The following SLC37A3 variants were observed in gnomAD, a reference collection of about 807,000 sequenced individuals.
SLC37A3 encodes solute carrier family 37 member 3, also known as sugar phosphate exchanger 3.
A neutral mutation model predicts 67.1 loss-of-function variants in SLC37A3; 51 were observed. That is an observed-to-expected ratio of 0.76 (90% CI 0.61 to 0.96). The LOEUF (loss-of-function observed/expected upper bound fraction) is 0.96, where lower values mean the gene tolerates loss of function less well. Among genes scored for constraint, SLC37A3 ranks in the 40% least tolerant of loss-of-function variants. The pLI is 0.00. For synonymous variants in SLC37A3, 214 were observed against 231.4 expected (o/e 0.92, Z 0.68); for missense variants, 508 against 603.0 (o/e 0.84, Z 1.65).
chr7:140,352,027 A>T, intron 8 of SLC37A3, 35 bp downstream of exon 8: 8 of 1,579,020 alleles, frequency 5.1e-6, no homozygotes, highest in Non-Finnish European at 5.2e-6. Context: ...CATAATAGTA[A>T]GACATTCGGA....
rs1240482307 is a variant in SLC37A3 at position 140,363,031 on chromosome 7, C to T, written c.375+1377G>A. Among the ~76,000 whole-genome samples, 3 of 93,976 alleles carry T rather than the reference C, an allele frequency of 3.2e-5. No individual in the cohort carries two copies. In the South Asian group the frequency reaches 1.3e-3, roughly 41 times the overall value. The allele number at this position is 93,976 out of a possible 152,430, so 61.7% of individuals were successfully genotyped here. On this transcript the variant is annotated intron_variant, in intron 5 of 14. Transcript: ENST00000326232. The stretch of plus-strand genomic sequence containing the variant: ...GCCGCCCCTAATGGGAAGTGAGGAC[C>T]CCTCTGCCCGGCCAGCCGCCCCGTC...
At position 140,375,943 on chromosome 7, in the gene SLC37A3, G is replaced by A. The variant is rs548263958; in HGVS notation, c.198+4339C>T. 3.9e-5 allele frequency among the ~76,000 whole-genome samples: 6 copies of A among 152,230 alleles called. No homozygotes were observed. The East Asian group carries it at 7.7e-4, about 20-fold the overall frequency. ...ACATTCCCACATTTTCCCTGCAACC[G>A]CAGTGTTCCATCCTTGTGTGCCCAC... is the stretch of plus-strand genomic sequence containing the variant. On this transcript the variant is annotated intron_variant, in intron 3 of 14. Transcript: ENST00000326232.
At chr7:140,370,150 T>G (rs1340758312) in intron 3 of SLC37A3, among the ~76,000 whole-genome samples, 1 of 10,540 alleles carries the variant, frequency 9.5e-5, no homozygotes, top group Admixed American at 1.1e-3. Flanking sequence ...AAATAACTAG[T>G]TTTTTTTTTT....
intron 7 of SLC37A3, among the ~76,000 whole-genome samples, chr7:140,355,402 C>T (rs1342896375): frequency 6.6e-6 from 1 of 151,890 alleles, no homozygotes; most frequent in East Asian, 1.9e-4. Flanking sequence ...TGAGTAGAGA[C>T]GAGGTTTCAC....
intron 13 of SLC37A3, among the ~76,000 whole-genome samples, chr7:140,338,092 A>G (rs975191074): frequency 1.3e-5 from 2 of 152,004 alleles, no homozygotes; most frequent in South Asian, 2.1e-4. Context: ...GGTTTTCACC[A>G]CATTAGCCAG....
Position 140,345,928 on chromosome 7 carries a change from C to A in SLC37A3, c.1067G>T (p.Arg356Ile), listed in dbSNP as rs749486448. Residue 356 changes from arginine (R) to isoleucine (I), a missense_variant, in exon 11 of 15, where the codon AGA becomes ATA. By Grantham distance (97) the Arg-to-Ile change is moderately conservative (BLOSUM62 -3). Transcript: ENST00000326232. ...QGFISDVLQK[R>I]APVLALSLLL... Reference sequence around the variant, plus strand: ...CAGACTCAGGGCAAGAACCGGCGCTCTCTTCTGTAGTACATCAGAGATGAA... The same window carrying A: ...CAGACTCAGGGCAAGAACCGGCGCTATCTTCTGTAGTACATCAGAGATGAA... The A allele has an allele frequency of 1.2e-6, 2 of 1,614,040 alleles. No individual in the cohort carries two copies. Among genetic ancestry groups the A allele is most frequent in the Non-Finnish European group, 1.7e-6 (2 of 1,180,006 alleles).
rs1191374788 is a variant in SLC37A3, at chr7:140,334,791, G to C, written c.*621C>G. 6.1e-6 allele frequency: 1 copy of C among 164,140 alleles called. No homozygotes were observed. Among genetic ancestry groups the C allele is most frequent in the East Asian group, 1.7e-4 (1 of 5,850 alleles). 10.2% of individuals were successfully genotyped at this position (164,140 alleles called of 1,614,324 possible). A position where few individuals can be genotyped will look rare whatever the true frequency, so the allele number is the denominator to read the frequency against. The stretch of plus-strand genomic sequence containing the variant: ...TGAAGCAATTCATGCTTCTAGGGCT[G>C]AATGACGTTTAGATCAGACACAGAG... On this transcript the variant is annotated 3_prime_UTR_variant, in exon 15 of 15. Coordinates refer to ENST00000326232, the MANE Select transcript of SLC37A3 (RefSeq NM_207113.3).
At chr7:140,392,689 G>C (rs1157730499) in intron 1 of SLC37A3, among the ~76,000 whole-genome samples, 1 of 152,218 alleles carries the variant, frequency 6.6e-6, no homozygotes, top group African/African-American at 2.4e-5. Flanking sequence ...TGACAGATGG[G>C]TTGGTACAGA....
intron 4 of SLC37A3, among the ~76,000 whole-genome samples, chr7:140,368,093 C>A (rs948042497): frequency 6.6e-6 from 1 of 151,940 alleles, no homozygotes; most frequent in African/African-American, 2.4e-5. Context: ...GGATTACAGG[C>A]GTGGGCCACC....
Position 140,343,197 on chromosome 7 carries a change from G to C in SLC37A3, c.1326+215C>G, listed in dbSNP as rs112403392. On this transcript the variant is annotated intron_variant, in intron 13 of 14. Transcript: ENST00000326232. ...CTTATTTGCAGACAGGAAGAATCTA[G>C]AAGTATAAGTAGAAAAAAGGAACTA... is the stretch of plus-strand genomic sequence containing the variant. Among the ~76,000 whole-genome samples, 147 of 152,314 alleles carry C rather than the reference G, an allele frequency of 9.7e-4. 2 individuals are homozygous for C. In the South Asian group the frequency reaches 0.014, roughly 14 times the overall value.
chr7:140,351,262 G>C lies in SLC37A3; in HGVS notation c.882+11C>G, dbSNP rs1290927258. On this transcript the variant is annotated intron_variant, in intron 9 of 14. Transcript: ENST00000326232. ...CCTCCCTGGCTGTGGTAAGATGTAA[G>C]CGGTCCTTACCGGTATGACTCCAGG... 1.2e-6 allele frequency: 2 copies of C among 1,611,364 alleles called. No homozygotes were observed. The highest frequency in any genetic ancestry group is 1.7e-6 in the Non-Finnish European group (2 of 1,178,630).
Position 140,351,467 on chromosome 7 carries a change from C to G in SLC37A3, c.704-16G>C. 6.2e-7 allele frequency: 1 copy of G among 1,611,268 alleles called. No individual in the cohort carries two copies. Among genetic ancestry groups the G allele is most frequent in the Non-Finnish European group, 8.5e-7 (1 of 1,178,220 alleles). ...CCCGAGAGACCTAAAATAACAGCGACAGCCACTGTTTATGGAGTGCCTACC... is the reference window on the plus strand; with the variant it reads ...CCCGAGAGACCTAAAATAACAGCGAGAGCCACTGTTTATGGAGTGCCTACC... On this transcript the variant is annotated splice_polypyrimidine_tract_variant and intron_variant, in intron 8 of 14. Coordinates refer to ENST00000326232, the MANE Select transcript of SLC37A3 (RefSeq NM_207113.3).
intron 3 of SLC37A3, among the ~76,000 whole-genome samples, chr7:140,376,709 T>A (rs564073688): frequency 6.6e-6 from 1 of 152,146 alleles, no homozygotes; most frequent in Non-Finnish European, 1.5e-5. Context: ...GTTCTTTGCA[T>A]AAGGCGAGCA....
chr7:140,398,201 C>A (rs1799016171), intron 1 of SLC37A3, among the ~76,000 whole-genome samples: 1 of 152,180 alleles, frequency 6.6e-6, no homozygotes, highest in South Asian at 2.1e-4. Flanking sequence ...TCCTCCCCAT[C>A]CACCCCATCG....
intron 13 of SLC37A3, among the ~76,000 whole-genome samples, chr7:140,340,663 T>C (rs1470602734): frequency 1.3e-5 from 2 of 151,176 alleles, no homozygotes; most frequent in Admixed American, 1.3e-4. Context: ...GGCAAGTGGC[T>C]CATGCCTGTA....
Position 140,335,298 on chromosome 7 carries a change from C to A in SLC37A3, c.*114G>T, listed in dbSNP as rs767224731. The A allele has an allele frequency of 1.9e-6, 3 of 1,614,144 alleles. No homozygotes were observed. The Admixed American group carries it at 5.0e-5, about 27-fold the overall frequency. ...AGGTGGCTGGCAGTGTTGAGAGACGCCTGACAATCCAAGATCAGGCTGGAG... is the reference window on the plus strand; with the variant it reads ...AGGTGGCTGGCAGTGTTGAGAGACGACTGACAATCCAAGATCAGGCTGGAG... On this transcript the variant is annotated 3_prime_UTR_variant, in exon 15 of 15. Transcript: ENST00000326232.
At chr7:140,387,434 C>T (rs1309552637) in intron 1 of SLC37A3, among the ~76,000 whole-genome samples, 1 of 150,824 alleles carries the variant, frequency 6.6e-6, no homozygotes, top group Non-Finnish European at 1.5e-5. Flanking sequence ...GCCAATGTGG[C>T]GAAACCCCAT....
At position 140,395,379 on chromosome 7, in the gene SLC37A3, T is replaced by TA. The variant is rs35674101; in HGVS notation, c.-71+3036dup. On this transcript the variant is annotated intron_variant, in intron 1 of 14. Transcript: ENST00000326232. ...GACAAAGCGAGACTCCATCTCAAAT[T>TA]AAAAAAAAAAAAAAAAAAAAAAAAG... is the stretch of plus-strand genomic sequence containing the variant. 7.3e-3 allele frequency among the ~76,000 whole-genome samples: 565 copies of TA among 77,772 alleles called. 6 individuals carry two copies. The highest frequency in any genetic ancestry group is 9.0e-3 in the Non-Finnish European group (386 of 43,036). 51.0% of individuals were successfully genotyped at this position (77,772 alleles called of 152,430 possible). A position where few individuals can be genotyped will look rare whatever the true frequency, so the allele number is the denominator to read the frequency against.
intron 3 of SLC37A3, among the ~76,000 whole-genome samples, chr7:140,377,126 T>C (rs1325126818): frequency 5.3e-5 from 8 of 151,660 alleles, no homozygotes; most frequent in African/African-American, 1.9e-4. Flanking sequence ...GTATTTTTAG[T>C]AGAGAATGGA....
Sources: gnomAD v4.1 joint callset for allele counts (sites outside exome capture counted in the v4.1 genomes callset) on GRCh38, gnomAD v4.1.1 for gene constraint, MANE v1.5 for transcripts, NCBI Gene and HGNC (gene_info 2026-07-23, HGNC 2026-07-21) for gene names.